CPN1: variants seen among roughly 807,000 people sequenced by gnomAD.
The protein encoded by CPN1 is carboxypeptidase N catalytic chain.
In CPN1, 37 loss-of-function variants were observed where a neutral mutation model predicts 46.4. The ratio of observed to expected loss-of-function variants is 0.80; its 90% CI spans 0.61 to 1.05. CPN1 has a LOEUF of 1.05. Among genes scored for constraint, CPN1 ranks in the 50% least tolerant of loss-of-function variants. The pLI is 0.00. For synonymous variants in CPN1, 224 were observed against 235.4 expected (o/e 0.95, Z 0.44); for missense variants, 563 against 602.6 (o/e 0.93, Z 0.69).
intron 3 of CPN1, 47 bp from the exon 4 acceptor site, chr10:100,065,417 C>A (rs756402900): frequency 1.4e-5 from 23 of 1,607,530 alleles, no homozygotes; most frequent in Non-Finnish European, 1.9e-5. Flanking sequence ...CTGGGGCTAC[C>A]AAACAAACGG....
chr10:100,071,346 C>A (rs1249491523), intron 2 of CPN1, among the ~76,000 whole-genome samples: 1 of 152,212 alleles, frequency 6.6e-6, no homozygotes, highest in Admixed American at 6.5e-5. Context: ...GGATGGGCGG[C>A]ACGCTCTCTG....
At chr10:100,079,928 T>TA (rs979850975) in intron 1 of CPN1, among the ~76,000 whole-genome samples, 8 of 151,458 alleles carry the variant, frequency 5.3e-5, no homozygotes, top group Admixed American at 3.9e-4. Flanking sequence ...CTACTAAAAA[T>TA]AAAAAAAATT....
At chr10:100,051,056 A>C (rs2041349938) in intron 7 of CPN1, among the ~76,000 whole-genome samples, 1 of 152,224 alleles carries the variant, frequency 6.6e-6, no homozygotes, top group Admixed American at 6.5e-5. Flanking sequence ...TATCATCTTC[A>C]AAAGTATGGC....
rs528405561 is a variant in CPN1, at chr10:100,072,161, C to T, written c.421-2292G>A. ...AGTCATAAGCTAAGTCCATGTTTAACTGTTTTTTGTTGTTTGTTTTTGTTT... is the reference window on the plus strand; with the variant it reads ...AGTCATAAGCTAAGTCCATGTTTAATTGTTTTTTGTTGTTTGTTTTTGTTT... On this transcript the variant is annotated intron_variant, in intron 2 of 8. Coordinates refer to ENST00000370418, the MANE Select transcript of CPN1 (RefSeq NM_001308.3). Among the ~76,000 whole-genome samples, 4 of 152,076 alleles carry T rather than the reference C, an allele frequency of 2.6e-5. No individual in the cohort carries two copies. The East Asian group carries it at 7.7e-4, about 29-fold the overall frequency.
chr10:100,065,350 C>T lies in CPN1; in HGVS notation c.597G>A (p.Ala199=), dbSNP rs1376917106. 2 of 1,614,160 alleles carry T rather than the reference C, an allele frequency of 1.2e-6. No individual in the cohort carries two copies. The highest frequency in any genetic ancestry group is 1.7e-5 in the Admixed American group (1 of 60,014). The change falls in exon 4 of 9, where the codon GCG becomes GCA. Residue 199 remains alanine (A), a synonymous_variant. Transcript: ENST00000370418. ...WKSQVEPETR[A]VIRWMHSFNF... ...TGAAGGAGTGCATCCACCGGATCAC[C>T]GCCCGGGTCTCGGGTTCCACCTGGG... is the stretch of plus-strand genomic sequence containing the variant.
chr10:100,042,345 G>C lies in CPN1; in HGVS notation c.*82C>G. On this transcript the variant is annotated 3_prime_UTR_variant, in exon 9 of 9. Transcript: ENST00000370418. ...TATGTTTGTATTTAAATATGTCCCA[G>C]ATAATAAAATAGAAAGAATGCTTGA... The C allele has an allele frequency of 1.9e-6, 3 of 1,544,876 alleles. No individual in the cohort carries two copies. Among genetic ancestry groups the C allele is most frequent in the Non-Finnish European group, 2.7e-6 (3 of 1,120,168 alleles).
At chr10:100,064,507 A>G (rs780113720) in intron 4 of CPN1, among the ~76,000 whole-genome samples, 61 of 151,414 alleles carry the variant, frequency 4.0e-4, no homozygotes, top group Non-Finnish European at 7.5e-4. Context: ...CAGCCTCCCA[A>G]GTAGCTGGGA....
intron 6 of CPN1, among the ~76,000 whole-genome samples, chr10:100,056,292 A>C (rs1446159113): frequency 6.6e-6 from 1 of 152,042 alleles, no homozygotes; most frequent in Non-Finnish European, 1.5e-5. Context: ...TTGTATTTGC[A>C]GTTGTGTCCA....
At chr10:100,063,591 G>T in intron 5 of CPN1, 23 bp downstream of exon 5, 2 of 1,513,106 alleles carry the variant, frequency 1.3e-6, no homozygotes, top group Non-Finnish European at 1.8e-6. Flanking sequence ...TTCAGCTTGA[G>T]CAGTTCCCAG....
At chr10:100,060,317 T>G (rs767877306) in intron 5 of CPN1, among the ~76,000 whole-genome samples, 2 of 152,164 alleles carry the variant, frequency 1.3e-5, no homozygotes, top group Non-Finnish European at 2.9e-5. Context: ...ATCCCAGCAC[T>G]TTGGGAGGCT....
chr10:100,074,709 G>A (rs2041504554), intron 2 of CPN1, among the ~76,000 whole-genome samples: 2 of 151,938 alleles, frequency 1.3e-5, no homozygotes, highest in Non-Finnish European at 2.9e-5. Flanking sequence ...GAGCCACCAC[G>A]CCCGGCCGAA....
intron 3 of CPN1, among the ~76,000 whole-genome samples, chr10:100,067,034 C>G (rs1025494683): frequency 6.6e-6 from 1 of 152,200 alleles, no homozygotes; most frequent in Non-Finnish European, 1.5e-5. Context: ...GATTCAATTA[C>G]CTTATTTTAC....
chr10:100,079,944 G>A (rs2041534815), intron 1 of CPN1, among the ~76,000 whole-genome samples: 1 of 152,158 alleles, frequency 6.6e-6, no homozygotes, highest in South Asian at 2.1e-4. Flanking sequence ...AAATTAGCCA[G>A]GCATGGTAGT....
At chr10:100,044,828 A>G (rs1364602162) in intron 8 of CPN1, among the ~76,000 whole-genome samples, 1 of 151,520 alleles carries the variant, frequency 6.6e-6, no homozygotes, top group Non-Finnish European at 1.5e-5. Flanking sequence ...CTCTTGCCTC[A>G]GCCTCCCAAG....
intron 1 of CPN1, 118 bp downstream of exon 1, chr10:100,081,285 A>C: frequency 3.5e-6 from 3 of 857,348 alleles, no homozygotes; most frequent in Non-Finnish European, 5.7e-6. Flanking sequence ...AGGCTGAGAA[A>C]GAGATAATAC....
At chr10:100,045,764 C>G (rs1035985819) in intron 8 of CPN1, among the ~76,000 whole-genome samples, 2 of 152,198 alleles carry the variant, frequency 1.3e-5, no homozygotes, top group Non-Finnish European at 2.9e-5. Flanking sequence ...TGAGATAATG[C>G]TGGAAAGCTC....
At chr10:100,065,518 T>C (rs1273122883) in intron 3 of CPN1, 148 bp from the exon 4 acceptor site, 1 of 799,262 alleles carries the variant, frequency 1.3e-6, no homozygotes, top group Non-Finnish European at 2.0e-6. Flanking sequence ...AAAGTGGAGA[T>C]GGGGAAATGT....
At chr10:100,063,269 C>T (rs1231065422) in intron 5 of CPN1, among the ~76,000 whole-genome samples, 4 of 152,146 alleles carry the variant, frequency 2.6e-5, no homozygotes, top group African/African-American at 4.8e-5. Context: ...TACAGGCGCC[C>T]GCCACCACAC....
At chr10:100,049,216 C>G (rs2041335912) in intron 7 of CPN1, among the ~76,000 whole-genome samples, 1 of 151,580 alleles carries the variant, frequency 6.6e-6, no homozygotes, top group African/African-American at 2.4e-5. Flanking sequence ...GCCTCAGCCT[C>G]CCAGTGCTGG....
Sources: allele counts gnomAD v4.1 joint callset (sites outside exome capture counted in the v4.1 genomes callset), GRCh38; gene constraint gnomAD v4.1.1; transcripts MANE v1.5; gene names NCBI Gene and HGNC (gene_info 2026-07-23, HGNC 2026-07-21).